The following RYR3 variants were observed in gnomAD, a reference collection of about 807,000 sequenced individuals.
The protein encoded by RYR3 is brain ryanodine receptor-calcium release channel.
In RYR3, 207 loss-of-function variants were observed where a neutral mutation model predicts 584.3. That is an observed-to-expected ratio of 0.35 (90% confidence interval 0.32 to 0.40). The LOEUF (loss-of-function observed/expected upper bound fraction) is 0.40, where lower values mean the gene tolerates loss of function less well. Among genes scored for constraint, RYR3 ranks in the 10% least tolerant of loss-of-function variants. The probability of loss-of-function intolerance (pLI) is 1.00; values close to 1 mark genes in which losing one functional copy is unlikely to be tolerated. For synonymous variants in RYR3, 2,416 were observed against 2,248.5 expected (o/e 1.07, Z -2.11); for missense variants, 5,616 against 6,089.2 (o/e 0.92, Z 2.59).
chr15:33,759,635 T>C (rs1388235350), intron 60 of RYR3, among the ~76,000 whole-genome samples: 3 of 152,122 alleles, frequency 2.0e-5, no homozygotes, highest in African/African-American at 7.2e-5. Context: ...TCAAGAAATA[T>C]GGGACTATGT....
intron 43 of RYR3, among the ~76,000 whole-genome samples, chr15:33,714,201 T>G (rs554550795): frequency 6.6e-6 from 1 of 152,284 alleles, no homozygotes; most frequent in African/African-American, 2.4e-5. Flanking sequence ...CAACATTTTC[T>G]CCTTTGAGCT....
At chr15:33,463,762 C>T (rs1256520709) in intron 1 of RYR3, among the ~76,000 whole-genome samples, 1 of 152,146 alleles carries the variant, frequency 6.6e-6, no homozygotes, top group Non-Finnish European at 1.5e-5. Flanking sequence ...CTTTTATGGT[C>T]AAGCTCAAGC....
At chr15:33,854,661 A>C (rs2079457803) in intron 97 of RYR3, 105 bp from the exon 98 acceptor site, 1 of 1,435,812 alleles carries the variant, frequency 7.0e-7, no homozygotes, top group Admixed American at 2.2e-5. Flanking sequence ...TCAGCACCTA[A>C]ACCCCCTCTA....
intron 103 of RYR3, chr15:33,864,609 TGAAAG>T (rs1291856957): frequency 5.7e-6 from 1 of 174,036 alleles, no homozygotes; most frequent in East Asian, 1.5e-4. Context: ...AGAGGATGAG[TGAAAG>T]GATGTGTCAA....
intron 75 of RYR3, among the ~76,000 whole-genome samples, chr15:33,818,205 T>C (rs1361284482): frequency 6.6e-6 from 1 of 152,160 alleles, no homozygotes; most frequent in Non-Finnish European, 1.5e-5. Context: ...GAGCAGTCTC[T>C]CAGGTGTCTC....
chr15:33,722,956 G>A, intron 44 of RYR3, 61 bp downstream of exon 44: 1 of 1,392,532 alleles, frequency 7.2e-7, no homozygotes, highest in Non-Finnish European at 9.8e-7. Context: ...GATATTATTG[G>A]TATACGGATG....
chr15:33,329,786 G>A (rs550203703), intron 1 of RYR3, among the ~76,000 whole-genome samples: 1 of 152,234 alleles, frequency 6.6e-6, no homozygotes, highest in South Asian at 2.1e-4. Context: ...GCCCAAATAA[G>A]CAGCCTACAG....
intron 3 of RYR3, 31 bp from the exon 4 acceptor site, chr15:33,530,561 G>A (rs983497062): frequency 1.3e-6 from 2 of 1,535,534 alleles, no homozygotes; most frequent in Non-Finnish European, 1.8e-6. Context: ...CAACGGGCAT[G>A]TGCTGACCTT....
chr15:33,651,056 G>T (rs1256713527), intron 31 of RYR3, among the ~76,000 whole-genome samples: 1 of 152,164 alleles, frequency 6.6e-6, no homozygotes, highest in Non-Finnish European at 1.5e-5. Flanking sequence ...TACCATACAA[G>T]ATTGATTACT....
chr15:33,538,226 C>G (rs2055503194), intron 5 of RYR3, among the ~76,000 whole-genome samples: 2 of 152,142 alleles, frequency 1.3e-5, no homozygotes, highest in Admixed American at 1.3e-4. Context: ...GGTCTTCATT[C>G]ATGTTCTCAT....
chr15:33,857,360 C>G (rs2079796623), intron 98 of RYR3, among the ~76,000 whole-genome samples: 1 of 152,184 alleles, frequency 6.6e-6, no homozygotes, highest in South Asian at 2.1e-4. Flanking sequence ...GCCTCTCTCT[C>G]TGTGTCTCCA....
chr15:33,771,424 C>T (rs1038212111), intron 62 of RYR3, among the ~76,000 whole-genome samples: 1 of 145,628 alleles, frequency 6.9e-6, no homozygotes, highest in East Asian at 2.0e-4. Flanking sequence ...ATCCCAGCTA[C>T]TCGGGAGGCT....
At chr15:33,408,222 T>A (rs942091389) in intron 1 of RYR3, among the ~76,000 whole-genome samples, 2 of 152,338 alleles carry the variant, frequency 1.3e-5, no homozygotes, top group African/African-American at 4.8e-5. Context: ...GAGTACCTAA[T>A]GCTTAGCTGA....
At position 33,862,226 on chromosome 15, in the gene RYR3, GAGAT is replaced by G. The variant is rs559162050; in HGVS notation, c.14465+1055_14465+1058del. ...GTAGCTTAGAGAGTCCTCATCTTTC[GAGAT>G]AGATAGGGTCTCAACCCCGTTGCCC... On this transcript the variant is annotated intron_variant, in intron 102 of 103. Transcript: ENST00000634891. Among the ~76,000 whole-genome samples, 34 of 152,130 alleles carry G rather than the reference GAGAT, an allele frequency of 2.2e-4. 1 individual carries two copies. In the South Asian group the frequency reaches 6.4e-3, roughly 29 times the overall value.
At chr15:33,858,111 G>T in intron 99 of RYR3, 197 bp downstream of exon 99, 3 of 723,894 alleles carry the variant, frequency 4.1e-6, no homozygotes, top group Non-Finnish European at 6.6e-6. Context: ...AGTGATGGAG[G>T]TAGTTTTCAT....
chr15:33,827,313 G>A, intron 85 of RYR3, 26 bp downstream of exon 85: 1 of 1,539,812 alleles, frequency 6.5e-7, no homozygotes, highest in Non-Finnish European at 8.8e-7. Flanking sequence ...TTGGACAATG[G>A]GACCTCTCAC....
chr15:33,798,587 C>T (rs2075754927), intron 67 of RYR3, among the ~76,000 whole-genome samples: 1 of 152,222 alleles, frequency 6.6e-6, no homozygotes, highest in South Asian at 2.1e-4. Flanking sequence ...GCCCATCCAA[C>T]AACTTCTACA....
At chr15:33,563,330 T>C (rs1467377088) in intron 11 of RYR3, among the ~76,000 whole-genome samples, 1 of 152,240 alleles carries the variant, frequency 6.6e-6, no homozygotes, top group African/African-American at 2.4e-5. Context: ...CATTGCTGCC[T>C]TCATTTCAGT....
intron 87 of RYR3, among the ~76,000 whole-genome samples, chr15:33,835,283 C>T (rs1456643507): frequency 2.0e-5 from 3 of 150,038 alleles, no homozygotes; most frequent in African/African-American, 7.4e-5. Context: ...TTTGCATGAA[C>T]GCAGCTTCCT....
Sources: allele counts gnomAD v4.1 joint callset (sites outside exome capture counted in the v4.1 genomes callset), GRCh38; gene constraint gnomAD v4.1.1; transcripts MANE v1.5; gene names NCBI Gene and HGNC (gene_info 2026-07-23, HGNC 2026-07-21).